The following VIPR1 variants were observed in gnomAD, a reference collection of about 807,000 sequenced individuals.
The protein encoded by VIPR1 is vasoactive intestinal peptide receptor 1.
Under a neutral mutation model 58.8 loss-of-function variants are expected in VIPR1, and 59 were observed. That is an observed-to-expected ratio of 1.00 (90% CI 0.81 to 1.25). The LOEUF (loss-of-function observed/expected upper bound fraction) is 1.25, where lower values mean the gene tolerates loss of function less well. VIPR1 is among the 50% of genes most tolerant of loss of function. The pLI is 0.00. For synonymous variants in VIPR1, 251 were observed against 242.1 expected (o/e 1.04, Z -0.34); for missense variants, 626 against 602.7 (o/e 1.04, Z -0.40).
intron 10 of VIPR1, chr3:42,533,499 C>T (rs1036684317): frequency 2.0e-5 from 3 of 152,096 alleles, no homozygotes; most frequent in Non-Finnish European, 4.4e-5. Flanking sequence ...TCTCCTTTGC[C>T]GATGGGACCT....
At chr3:42,502,582 C>G (rs1251738223), upstream of VIPR1, 1 of 528,198 alleles carries the variant, frequency 1.9e-6, no homozygotes, top group African/African-American at 2.0e-5. Flanking sequence ...AGACGAGCCC[C>G]CGGGGCCCGC....
In VIPR1 at chr3:42,531,480, G is replaced by C; in HGVS notation, c.800G>C (p.Ser267Thr). The C allele has an allele frequency of 1.3e-6, 2 of 1,585,258 alleles. No homozygotes were observed. Among genetic ancestry groups the C allele is most frequent in the Non-Finnish European group, 8.6e-7 (1 of 1,164,550 alleles). Residue 267 changes from serine to threonine, a missense_variant, in exon 8 of 13, where the codon AGC becomes ACC. Transcript: ENST00000325123. ...TCCCTGGGCCTGACAGGGGTACCCA[G>C]CACATTCACCATGGTGTGGACCATC... is the stretch of plus-strand genomic sequence containing the variant. Reference protein sequence around the residue: ...GYILIGWGVPSTFTMVWTIAR... With the variant: ...GYILIGWGVPTTFTMVWTIAR...
intron 1 of VIPR1, among the ~76,000 whole-genome samples, chr3:42,490,082 T>A (rs2125621708): frequency 6.6e-6 from 1 of 152,096 alleles, no homozygotes; most frequent in South Asian, 2.1e-4. Flanking sequence ...TACAAGAGAC[T>A]CTGGTCTCCC....
At chr3:42,527,355 C>A in intron 4 of VIPR1, 38 bp from the exon 5 acceptor site, 1 of 1,594,818 alleles carries the variant, frequency 6.3e-7, no homozygotes, top group Non-Finnish European at 8.6e-7. Flanking sequence ...GAGCCTCCCA[C>A]CCCACCACCC....
intron 1 of VIPR1, among the ~76,000 whole-genome samples, chr3:42,508,224 A>G (rs1700206763): frequency 1.3e-5 from 2 of 152,160 alleles, no homozygotes; most frequent in African/African-American, 2.4e-5. Context: ...AGTCGCTGCT[A>G]ACCCCCCTGG....
chr3:42,489,617 T>C (rs2125621456), exon 1 of VIPR1: 1 of 152,390 alleles, frequency 6.6e-6, no homozygotes, highest in African/African-American at 2.4e-5. Context: ...GCTGAGTGGC[T>C]GGCATGTGCC....
intron 1 of VIPR1, among the ~76,000 whole-genome samples, chr3:42,496,070 C>T (rs536761725): frequency 6.6e-6 from 1 of 152,124 alleles, no homozygotes; most frequent in Non-Finnish European, 1.5e-5. Flanking sequence ...AATCCCGTCT[C>T]TACTAAAAAT....
Position 42,496,483 on chromosome 3 carries a change from T to C in VIPR1, c.-245+6805T>C, listed in dbSNP as rs78529251. ...CCATATTTTTAGTTACATATACACA[T>C]AGAGGGAGATGTGGCTCTCCTTATT... On this transcript the variant is annotated intron_variant, in intron 1 of 13. Coordinates refer to the VIPR1 transcript ENST00000433647. Among the ~76,000 whole-genome samples, 398 of 152,348 alleles carry C rather than the reference T, an allele frequency of 2.6e-3. 3 individuals carry two copies. The highest frequency in any genetic ancestry group is 9.1e-3 in the African/African-American group (377 of 41,588).
At chr3:42,514,692 T>C (rs979317445) in intron 2 of VIPR1, among the ~76,000 whole-genome samples, 2 of 151,618 alleles carry the variant, frequency 1.3e-5, no homozygotes, top group Non-Finnish European at 2.9e-5. Context: ...ATGAGACAAG[T>C]CAAGGTCAGC....
Position 42,536,455 on chromosome 3 carries a change from C to A in VIPR1, c.*174C>A. The A allele has an allele frequency of 1.6e-6, 1 of 617,738 alleles. No individual in the cohort carries two copies. The highest frequency in any genetic ancestry group is 2.6e-6 in the Non-Finnish European group (1 of 389,300). 38.3% of individuals were successfully genotyped at this position (617,738 alleles called of 1,614,324 possible). A position where few individuals can be genotyped will look rare whatever the true frequency, so the allele number is the denominator to read the frequency against. ...ACTCCTAGAGAACGCAGCCCTAGAGCCTGCCTGGAGCGTTTCTAGCAAGTG... is the reference window on the plus strand; with the variant it reads ...ACTCCTAGAGAACGCAGCCCTAGAGACTGCCTGGAGCGTTTCTAGCAAGTG... On this transcript the variant is annotated 3_prime_UTR_variant, in exon 13 of 13. Transcript: ENST00000325123.
In VIPR1 at chr3:42,535,107, A is replaced by G; in HGVS notation, c.1140+3A>G. On this transcript the variant is annotated splice_donor_region_variant and intron_variant, in intron 11 of 12. Coordinates refer to ENST00000325123, the MANE Select transcript of VIPR1 (RefSeq NM_004624.4). ...AGCTCGTCGTGGGGTCTTTCCAGGTATGGGCTGTTGACTTAAGGCTGCATT... is the reference window on the plus strand; with the variant it reads ...AGCTCGTCGTGGGGTCTTTCCAGGTGTGGGCTGTTGACTTAAGGCTGCATT... 3 of 1,614,208 alleles carry G rather than the reference A, an allele frequency of 1.9e-6. No homozygotes were observed. Among genetic ancestry groups the G allele is most frequent in the South Asian group, 1.1e-5 (1 of 91,084 alleles).
Position 42,525,883 on chromosome 3 carries a change from C to A in VIPR1, c.293-4C>A. The A allele has an allele frequency of 6.2e-7, 1 of 1,605,412 alleles. No individual in the cohort carries two copies. The highest frequency in any genetic ancestry group is 1.1e-5 in the South Asian group (1 of 89,232). ...CTTTGTCCTTGCCCCTGCCCTCCAC[C>A]CAGGCCGCAATGTAAGCCGCAGCTG... is the stretch of plus-strand genomic sequence containing the variant. On this transcript the variant is annotated splice_polypyrimidine_tract_variant and splice_region_variant and intron_variant, in intron 3 of 12. Transcript: ENST00000325123.
At chr3:42,530,541 G>C in intron 6 of VIPR1, 1 of 504,736 alleles carries the variant, frequency 2.0e-6, no homozygotes, top group Non-Finnish European at 3.5e-6. Flanking sequence ...ATGGGAAGGT[G>C]AATAGATGAA....
At chr3:42,516,165 T>C (rs535003068) in intron 2 of VIPR1, among the ~76,000 whole-genome samples, 19 of 152,300 alleles carry the variant, frequency 1.2e-4, no homozygotes, top group African/African-American at 4.3e-4. Context: ...AAGCTCTGGG[T>C]TGGGCTTTCC....
chr3:42,519,335 G>C lies in VIPR1; in HGVS notation c.292+5G>C. The C allele has an allele frequency of 6.2e-7, 1 of 1,601,674 alleles. No individual in the cohort carries two copies. The highest frequency in any genetic ancestry group is 8.5e-7 in the Non-Finnish European group (1 of 1,174,008). On this transcript the variant is annotated splice_donor_5th_base_variant and intron_variant, in intron 3 of 12. Transcript: ENST00000325123. ...AGCTCTTCTCCTCCATTCAAGGTAAGACCCCTGGGTTGAAGAGGTGATGTG... is the reference window on the plus strand; with the variant it reads ...AGCTCTTCTCCTCCATTCAAGGTAACACCCCTGGGTTGAAGAGGTGATGTG...
chr3:42,518,096 A>G (rs547940907), intron 2 of VIPR1, among the ~76,000 whole-genome samples: 52 of 152,216 alleles, frequency 3.4e-4, no homozygotes, highest in Admixed American at 7.9e-4. Flanking sequence ...CATCCACTTT[A>G]TAAAAAATAA....
intron 1 of VIPR1, among the ~76,000 whole-genome samples, chr3:42,510,889 C>T (rs911824468): frequency 6.6e-6 from 1 of 151,990 alleles, no homozygotes; most frequent in Non-Finnish European, 1.5e-5. Context: ...ACTCTTCTAC[C>T]CTCAGAGAGT....
In VIPR1 at chr3:42,536,929, C is replaced by T. The variant is rs147042762; in HGVS notation, c.*648C>T. 3 of 152,306 alleles carry T rather than the reference C, an allele frequency of 2.0e-5. No individual in the cohort carries two copies. In the East Asian group the frequency reaches 5.8e-4, roughly 29 times the overall value. 9.4% of individuals were successfully genotyped at this position (152,306 alleles called of 1,614,324 possible). On this transcript the variant is annotated 3_prime_UTR_variant, in exon 13 of 13. Coordinates refer to ENST00000325123, the MANE Select transcript of VIPR1 (RefSeq NM_004624.4). The stretch of plus-strand genomic sequence containing the variant: ...GAAGTGGACTGGCCCCTGGGTCAGT[C>T]TGGTGGGAGGACGGTGCAACCCAAG...
rs1396895078 is a variant in VIPR1 at position 42,536,855 on chromosome 3, T to C, written c.*574T>C. Reference sequence around the variant, plus strand: ...GTTATCAGCTTTTTAAAGTGGGTTATTCTGGAGTTTTTGTTTGGAGAGCAC... The same window carrying C: ...GTTATCAGCTTTTTAAAGTGGGTTACTCTGGAGTTTTTGTTTGGAGAGCAC... On this transcript the variant is annotated 3_prime_UTR_variant, in exon 13 of 13. Transcript: ENST00000325123. 1 of 152,292 alleles carries C rather than the reference T, an allele frequency of 6.6e-6. No homozygotes were observed. The highest frequency in any genetic ancestry group is 2.4e-5 in the African/African-American group (1 of 41,476). The allele number at this position is 152,292 out of a possible 1,614,324, so 9.4% of individuals were successfully genotyped here.
Sources: gnomAD v4.1 joint callset for allele counts (sites outside exome capture counted in the v4.1 genomes callset) on GRCh38, gnomAD v4.1.1 for gene constraint, MANE v1.5 for transcripts, NCBI Gene and HGNC (gene_info 2026-07-23, HGNC 2026-07-21) for gene names.